The following ADAD1 variants were observed in gnomAD, a reference collection of about 807,000 sequenced individuals.
ADAD1 encodes adenosine deaminase domain containing 1.
ADAD1 carries 46 observed loss-of-function variants against 66.8 expected under a neutral mutation model. The ratio of observed to expected loss-of-function variants is 0.69; its 90% confidence interval spans 0.54 to 0.88. The LOEUF (loss-of-function observed/expected upper bound fraction) is 0.88. ADAD1 is among the 40% of genes least tolerant of loss of function. ADAD1 has a pLI of 0.00. For missense variants in ADAD1, 617 were observed against 681.8 expected, an observed-to-expected ratio of 0.91 and a Z score of 1.06; for synonymous variants, 248 against 229.4, an observed-to-expected ratio of 1.08 and a Z score of -0.73.
In ADAD1 at chr4:122,387,994, C is replaced by T. The variant is rs753297269; in HGVS notation, c.529+4028C>T. Among the ~76,000 whole-genome samples the T allele has an allele frequency of 6.6e-5, 10 of 152,220 alleles. No individual in the cohort carries two copies. The South Asian group carries it at 8.3e-4, about 13-fold the overall frequency. On this transcript the variant is annotated intron_variant, in intron 5 of 12. Coordinates refer to ENST00000296513, the MANE Select transcript of ADAD1 (RefSeq NM_139243.4). ...CAGGATGGTCTTGATCTCCTGACCTCGTGATCCACCCGCCTTGGCCTACCA... is the reference window on the plus strand; with the variant it reads ...CAGGATGGTCTTGATCTCCTGACCTTGTGATCCACCCGCCTTGGCCTACCA...
intron 12 of ADAD1, among the ~76,000 whole-genome samples, chr4:122,426,721 A>G (rs1209294803): frequency 1.3e-5 from 2 of 152,250 alleles, no homozygotes; most frequent in Admixed American, 6.5e-5. Flanking sequence ...AATAAATTCA[A>G]GTTTAAAATT....
intron 11 of ADAD1, among the ~76,000 whole-genome samples, chr4:122,419,880 GT>G (rs1560605237): frequency 6.6e-6 from 1 of 152,082 alleles, no homozygotes; most frequent in Admixed American, 6.5e-5. Context: ...TAGCTAGGTA[GT>G]TTTTTTACAG....
At position 122,415,520 on chromosome 4, in the gene ADAD1, A is replaced by G. The variant is rs778510832; in HGVS notation, c.1391A>G (p.Gln464Arg). 2.8e-5 allele frequency: 45 copies of G among 1,613,874 alleles called. No homozygotes were observed. The highest frequency in any genetic ancestry group is 1.6e-4 in the Middle Eastern group (1 of 6,082). ...ISLVPSAYPL[Q>R]MNLEYKFLSL... is the part of the protein sequence containing the mutation. ...TTAGTACCCTCTGCATATCCCCTTC[A>G]AATGAACTTGGAATATAAATTTCTG... Residue 464 changes from glutamine to arginine, a missense_variant, in exon 11 of 13, where the codon CAA becomes CGA. By Grantham distance (43) the Gln-to-Arg change is conservative (BLOSUM62 1). Transcript: ENST00000296513.
intron 7 of ADAD1, among the ~76,000 whole-genome samples, chr4:122,403,803 T>G (rs933907794): frequency 2.6e-5 from 4 of 152,122 alleles, no homozygotes; most frequent in Non-Finnish European, 4.4e-5. Flanking sequence ...AACCATCAGA[T>G]AGAAGCAGGG....
chr4:122,418,772 A>G (rs2150595551), intron 11 of ADAD1, among the ~76,000 whole-genome samples: 1 of 152,334 alleles, frequency 6.6e-6, no homozygotes. Flanking sequence ...ACTTTTATGA[A>G]ACAAGTATAT....
Position 122,380,941 on chromosome 4 carries a change from TTTTG to T in ADAD1, c.173-39_173-36del, listed in dbSNP as rs754085009. ...GGGAGGATTTATTGCTTTTGCTCAT[TTTTG>T]TTTGTTTGTTTTAAACCAAATTGAC... On this transcript the variant is annotated intron_variant, in intron 3 of 12. Transcript: ENST00000296513. The T allele has an allele frequency of 2.1e-5, 31 of 1,498,592 alleles. No homozygotes were observed. The African/African-American group carries it at 3.0e-4, about 15-fold the overall frequency. The allele number at this position is 1,498,592 out of a possible 1,614,324, so 92.8% of individuals were successfully genotyped here.
intron 7 of ADAD1, among the ~76,000 whole-genome samples, chr4:122,403,192 G>T (rs1427544137): frequency 5.9e-5 from 9 of 152,114 alleles, no homozygotes; most frequent in African/African-American, 2.2e-4. Context: ...AGCCCTTGAT[G>T]TGGTGCTCTC....
At chr4:122,382,621 AT>A (rs1794962247) in intron 4 of ADAD1, among the ~76,000 whole-genome samples, 1 of 152,014 alleles carries the variant, frequency 6.6e-6, no homozygotes, top group Non-Finnish European at 1.5e-5. Context: ...GTCTCACTAT[AT>A]TGCCTAGGCT....
chr4:122,379,802 T>C, intron 2 of ADAD1: 1 of 361,520 alleles, frequency 2.8e-6, no homozygotes, highest in Non-Finnish European at 4.9e-6. Flanking sequence ...TTTTAAGGTC[T>C]TTTACAGGGA....
chr4:122,393,731 A>G (rs1056622872), intron 6 of ADAD1, 74 bp downstream of exon 6: 25 of 1,169,868 alleles, frequency 2.1e-5, no homozygotes, highest in Non-Finnish European at 2.9e-5. Context: ...TAATTAAAAT[A>G]AGCATAGGTA....
intron 12 of ADAD1, among the ~76,000 whole-genome samples, chr4:122,422,552 C>G (rs1312270787): frequency 6.6e-6 from 1 of 152,084 alleles, no homozygotes; most frequent in Non-Finnish European, 1.5e-5. Context: ...CAACTTAATG[C>G]TCAACCTGTA....
intron 4 of ADAD1, among the ~76,000 whole-genome samples, chr4:122,383,150 T>C (rs1794984183): frequency 6.6e-6 from 1 of 152,048 alleles, no homozygotes. Flanking sequence ...GCTAAGTAAA[T>C]AAATTGTGAT....
chr4:122,383,988 GTATT>G lies in ADAD1; in HGVS notation c.529+26_529+29del, dbSNP rs949998895. Reference sequence around the variant, plus strand: ...TCAGGTAAATACTCTTGATTATAAAGTATTTATAAGAGGTATCATTTTTCAAAAG... The same window carrying G: ...TCAGGTAAATACTCTTGATTATAAAGTATAAGAGGTATCATTTTTCAAAAG... On this transcript the variant is annotated intron_variant, in intron 5 of 12. Coordinates refer to ENST00000296513, the MANE Select transcript of ADAD1 (RefSeq NM_139243.4). 12 of 1,559,550 alleles carry G rather than the reference GTATT, an allele frequency of 7.7e-6. No homozygotes were observed. In the African/African-American group the frequency reaches 1.4e-4, roughly 18 times the overall value.
intron 7 of ADAD1, among the ~76,000 whole-genome samples, chr4:122,404,772 C>G (rs1427755396): frequency 6.6e-6 from 1 of 152,028 alleles, no homozygotes; most frequent in East Asian, 1.9e-4. Context: ...GCTATCAGAT[C>G]TAAATGTCCT....
intron 7 of ADAD1, among the ~76,000 whole-genome samples, chr4:122,406,761 G>A (rs1438390616): frequency 6.6e-6 from 1 of 151,966 alleles, no homozygotes; most frequent in Non-Finnish European, 1.5e-5. Context: ...CCAGGGCAGT[G>A]TGCACGTGTT....
intron 10 of ADAD1, 73 bp from the exon 11 acceptor site, chr4:122,415,306 C>T (rs867830046): frequency 8.1e-7 from 1 of 1,239,136 alleles, no homozygotes; most frequent in Non-Finnish European, 1.1e-6. Context: ...AGACGATTTC[C>T]AATCATTTCA....
intron 10 of ADAD1, among the ~76,000 whole-genome samples, chr4:122,413,878 G>T (rs1262543955): frequency 4.5e-5 from 3 of 66,016 alleles, no homozygotes; most frequent in African/African-American, 4.7e-5. Flanking sequence ...ATATATATAT[G>T]AATTATTGTC....
At chr4:122,429,197 G>A (rs1366404347) in intron 12 of ADAD1, among the ~76,000 whole-genome samples, 4 of 151,776 alleles carry the variant, frequency 2.6e-5, no homozygotes, top group Non-Finnish European at 5.9e-5. Flanking sequence ...GCTTTGGGAG[G>A]CCAAGGTGGG....
intron 10 of ADAD1, among the ~76,000 whole-genome samples, chr4:122,413,851 CATATATATATATATAT>C (rs377322878): frequency 1.6e-5 from 2 of 126,604 alleles, no homozygotes; most frequent in East Asian, 4.3e-4. Context: ...TATGATAGAT[CATATATATATATATAT>C]ATATATATAT....
Sources: gnomAD v4.1 joint callset for allele counts (sites outside exome capture counted in the v4.1 genomes callset) on GRCh38, gnomAD v4.1.1 for gene constraint, MANE v1.5 for transcripts, NCBI Gene and HGNC (gene_info 2026-07-23, HGNC 2026-07-21) for gene names.